SHISA9: variants seen among roughly 807,000 people sequenced by gnomAD.
The protein encoded by SHISA9 is protein shisa-9.
A neutral mutation model predicts 38.0 loss-of-function variants in SHISA9; 13 were observed. The observed-to-expected ratio is 0.34, with a 90% CI of 0.22 to 0.54. The LOEUF (loss-of-function observed/expected upper bound fraction) is 0.54. SHISA9 is among the 20% of genes least tolerant of loss of function. The pLI is 0.91. For missense variants in SHISA9, 538 were observed against 575.8 expected (o/e 0.93, Z 0.67); for synonymous variants, 275 against 242.0 (o/e 1.14, Z -1.27).
chr16:12,986,893 T>C (rs1198043227), intron 2 of SHISA9, among the ~76,000 whole-genome samples: 1 of 152,248 alleles, frequency 6.6e-6, no homozygotes, highest in Non-Finnish European at 1.5e-5. Flanking sequence ...CCAGCCAGTC[T>C]GGCTCAAGGG....
chr16:13,469,006 G>C, the SHISA9 span, among the ~76,000 whole-genome samples: 1 of 152,036 alleles, frequency 6.6e-6, no homozygotes, highest in East Asian at 1.9e-4. Context: ...ACTTTGGGAG[G>C]CTGAGGCAGG....
chr16:13,358,692 TAGAG>T, the SHISA9 span, among the ~76,000 whole-genome samples: 1 of 152,176 alleles, frequency 6.6e-6, no homozygotes, highest in Non-Finnish European at 1.5e-5. Context: ...GGCCTCCAGA[TAGAG>T]AAAGATGGGA....
chr16:13,545,883 AC>A, the SHISA9 span, among the ~76,000 whole-genome samples: 1 of 152,188 alleles, frequency 6.6e-6, no homozygotes, highest in Non-Finnish European at 1.5e-5. Flanking sequence ...TCAGGGAGAA[AC>A]ATGTGACATA....
At chr16:13,115,386 A>G (rs1209268018) in intron 2 of SHISA9, among the ~76,000 whole-genome samples, 1 of 152,260 alleles carries the variant, frequency 6.6e-6, no homozygotes, top group Non-Finnish European at 1.5e-5. Flanking sequence ...TATAGATGTT[A>G]AATTAACTAA....
chr16:13,491,817 C>CTTTTTTTTTTTTTTTTTTTTTTTT, the SHISA9 span, among the ~76,000 whole-genome samples: 1 of 46,892 alleles, frequency 2.1e-5, no homozygotes, highest in Non-Finnish European at 3.9e-5. Flanking sequence ...TATTTATTGA[C>CTTTTTTTTTTTTTTTTTTTTTTTT]CTTTTTTTTT....
intron 2 of SHISA9, among the ~76,000 whole-genome samples, chr16:13,043,379 C>T (rs995933388): frequency 9.9e-5 from 15 of 152,152 alleles, no homozygotes; most frequent in African/African-American, 3.1e-4. Context: ...GAAAGAGAAA[C>T]GGGCTTAGTA....
chr16:13,004,011 T>A (rs1190090626), intron 2 of SHISA9, among the ~76,000 whole-genome samples: 4 of 152,174 alleles, frequency 2.6e-5, no homozygotes, highest in African/African-American at 9.7e-5. Flanking sequence ...TACAGAGATG[T>A]CCTGGGTGAA....
At chr16:13,439,420 T>C in the SHISA9 span, among the ~76,000 whole-genome samples, 2 of 152,208 alleles carry the variant, frequency 1.3e-5, no homozygotes, top group African/African-American at 4.8e-5. Flanking sequence ...GTTAATTAAC[T>C]TGATTGTGGT....
chr16:13,275,339 A>C, the SHISA9 span, among the ~76,000 whole-genome samples: 1 of 152,170 alleles, frequency 6.6e-6, no homozygotes, highest in Non-Finnish European at 1.5e-5. Context: ...AGAGCTTCAG[A>C]CTTTGCTTTA....
chr16:13,166,860 G>C (rs1175799932), intron 2 of SHISA9, among the ~76,000 whole-genome samples: 2 of 152,026 alleles, frequency 1.3e-5, no homozygotes, highest in African/African-American at 2.4e-5. Flanking sequence ...TTTTTCCTTA[G>C]CTAATGCATG....
the SHISA9 span, among the ~76,000 whole-genome samples, chr16:13,299,934 G>A: frequency 2.0e-5 from 3 of 152,116 alleles, no homozygotes; most frequent in East Asian, 1.9e-4. Flanking sequence ...GTGACTGTGA[G>A]GATTCAATGA....
At chr16:13,417,175 A>G in the SHISA9 span, among the ~76,000 whole-genome samples, 4 of 152,198 alleles carry the variant, frequency 2.6e-5, no homozygotes, top group Non-Finnish European at 4.4e-5. Context: ...GTTCTCAGGA[A>G]GTTAGAGGAC....
the SHISA9 span, among the ~76,000 whole-genome samples, chr16:13,524,772 G>T: frequency 6.7e-6 from 1 of 150,000 alleles, no homozygotes; most frequent in East Asian, 1.9e-4. Flanking sequence ...TTGCTATGTT[G>T]CCAAGGCTGG....
rs148920123 is a variant in SHISA9 at position 13,061,400 on chromosome 16, T to C, written c.692-141994T>C. 1.9e-3 allele frequency among the ~76,000 whole-genome samples: 289 copies of C among 152,344 alleles called. 2 individuals are homozygous for C. The highest frequency in any genetic ancestry group is 6.7e-3 in the African/African-American group (278 of 41,574). ...TATATAATCCTTTTTTTGGTTGTTA[T>C]TGTTGTTCAGGAAAGCAGTCTGCAA... On this transcript the variant is annotated intron_variant, in intron 2 of 4. Coordinates refer to ENST00000558583, the MANE Select transcript of SHISA9 (RefSeq NM_001145204.3).
chr16:12,979,026 C>T (rs8063117), intron 2 of SHISA9, among the ~76,000 whole-genome samples: 27,128 of 152,136 alleles, frequency 0.18, 2,711 homozygotes, highest in African/African-American at 0.25. Context: ...TCGTTATACA[C>T]CTTGACTCAT....
At chr16:13,347,662 T>C in the SHISA9 span, among the ~76,000 whole-genome samples, 5 of 152,200 alleles carry the variant, frequency 3.3e-5, no homozygotes, top group Non-Finnish European at 7.3e-5. Flanking sequence ...AATTTAGTTT[T>C]TAGGGGCCCC....
chr16:13,080,480 C>G (rs1039784181), intron 2 of SHISA9, among the ~76,000 whole-genome samples: 1 of 152,148 alleles, frequency 6.6e-6, no homozygotes, highest in Non-Finnish European at 1.5e-5. Context: ...TCCCATTGGT[C>G]TAGTGTGGAT....
At chr16:13,512,829 C>G in the SHISA9 span, among the ~76,000 whole-genome samples, 1 of 151,870 alleles carries the variant, frequency 6.6e-6, no homozygotes, top group Admixed American at 6.6e-5. Flanking sequence ...AAACTGGACC[C>G]CATCCTTATA....
intron 1 of SHISA9, among the ~76,000 whole-genome samples, chr16:12,912,527 A>G (rs752540630): frequency 6.6e-6 from 1 of 152,176 alleles, no homozygotes; most frequent in Non-Finnish European, 1.5e-5. Flanking sequence ...CACAATTTCT[A>G]TGCAGTTTCA....
Sources: allele counts gnomAD v4.1 joint callset (sites outside exome capture counted in the v4.1 genomes callset), GRCh38; gene constraint gnomAD v4.1.1; transcripts MANE v1.5; gene names NCBI Gene and HGNC (gene_info 2026-07-23, HGNC 2026-07-21).